CACNA1C: variants seen among roughly 807,000 people sequenced by gnomAD.
The protein encoded by CACNA1C is voltage-dependent L-type calcium channel subunit alpha-1C.
A neutral mutation model predicts 229.0 loss-of-function variants in CACNA1C; 30 were observed. That is an observed-to-expected ratio of 0.13 (90% CI 0.10 to 0.18). CACNA1C has a LOEUF of 0.18. Among genes scored for constraint, CACNA1C ranks in the 10% least tolerant of loss-of-function variants. CACNA1C has a pLI of 1.00. For missense variants in CACNA1C, 1,658 were observed against 2,845.0 expected (o/e 0.58, Z 9.49); for synonymous variants, 1,114 against 1,132.5 (o/e 0.98, Z 0.33).
At chr12:2,352,406 T>A (rs1008568821) in intron 3 of CACNA1C, among the ~76,000 whole-genome samples, 1 of 152,192 alleles carries the variant, frequency 6.6e-6, no homozygotes, top group African/African-American at 2.4e-5. Flanking sequence ...GCTGCCTGCA[T>A]TTGATGTGTG....
chr12:2,167,750 C>T (rs2096296607), intron 3 of CACNA1C, among the ~76,000 whole-genome samples: 1 of 152,112 alleles, frequency 6.6e-6, no homozygotes, highest in Non-Finnish European at 1.5e-5. Flanking sequence ...CAACCATTTG[C>T]TCCTTCCATT....
At position 2,479,027 on chromosome 12, in the gene CACNA1C, A is replaced by G. The variant is rs2099648568; in HGVS notation, c.758-7077A>G. 6.6e-6 allele frequency among the ~76,000 whole-genome samples: 1 copy of G among 152,104 alleles called. No individual in the cohort carries two copies. Among genetic ancestry groups the G allele is most frequent in the Non-Finnish European group, 1.5e-5 (1 of 68,026 alleles). The stretch of plus-strand genomic sequence containing the variant: ...TCTCAGATAGAGGATGTAGCTGAGG[A>G]TGGAAAACTTCATTCTAGATTCCCC... On this transcript the variant is annotated intron_variant, in intron 5 of 46. Transcript: ENST00000399655. This position sits in a 1 kb window ranked among gnomAD's most constrained non-coding sequence, Gnocchi z 4.3.
intron 10 of CACNA1C, among the ~76,000 whole-genome samples, chr12:2,553,703 G>T (rs1046173170): frequency 6.6e-6 from 1 of 152,190 alleles, no homozygotes; most frequent in African/African-American, 2.4e-5. Context: ...TGGAGTCTGT[G>T]TGGTATCGCG....
chr12:1,976,586 G>A (rs975563014), intron 1 of CACNA1C, among the ~76,000 whole-genome samples: 3 of 152,130 alleles, frequency 2.0e-5, no homozygotes, highest in Non-Finnish European at 2.9e-5. Context: ...GGCAGATCCC[G>A]AAGAGAAATG....
rs143802622 is a variant in CACNA1C at position 2,357,473 on chromosome 12, C to T, written c.478-91503C>T. On this transcript the variant is annotated intron_variant, in intron 3 of 46. Coordinates refer to ENST00000399655, the MANE Select transcript of CACNA1C (RefSeq NM_000719.7). Reference sequence around the variant, plus strand: ...AGGTTCTTCTTTTCTCCCTAAGTGACATCCCTCTTGAGCCCACAATTCCCT... The same window carrying T: ...AGGTTCTTCTTTTCTCCCTAAGTGATATCCCTCTTGAGCCCACAATTCCCT... Among the ~76,000 whole-genome samples the T allele has an allele frequency of 2.8e-3, 433 of 152,232 alleles. 2 individuals carry two copies. Among genetic ancestry groups the T allele is most frequent in the Non-Finnish European group, 5.0e-3 (337 of 68,012 alleles).
At chr12:2,598,646 C>T (rs1041312530) in intron 21 of CACNA1C, among the ~76,000 whole-genome samples, 2 of 152,224 alleles carry the variant, frequency 1.3e-5, no homozygotes, top group African/African-American at 4.8e-5. Flanking sequence ...CTGAAGTCCA[C>T]ACCTAACCGA....
rs944845371 is a variant in CACNA1C at position 2,608,345 on chromosome 12, C to T, written c.3357-166C>T. Among the ~76,000 whole-genome samples, 3 of 152,156 alleles carry T rather than the reference C, an allele frequency of 2.0e-5. No individual in the cohort carries two copies. The highest frequency in any genetic ancestry group is 6.5e-5 in the Admixed American group (1 of 15,280). ...GAATCTGAGTCTCAGAGAGGTTAAA[C>T]GCTTTGCCCAAGGTCACACAGCCAG... On this transcript the variant is annotated intron_variant, in intron 26 of 46. Transcript: ENST00000399655. The surrounding 1 kb of genome is among the most constrained non-coding windows in gnomAD (Gnocchi z 4.2).
In CACNA1C at chr12:2,654,029, T is replaced by C. The variant is rs1479824715; in HGVS notation, c.4140+129T>C. 1.2e-5 allele frequency: 9 copies of C among 742,352 alleles called. No individual in the cohort carries two copies. The Admixed American group carries it at 2.1e-4, about 18-fold the overall frequency. The allele number at this position is 742,352 out of a possible 1,614,324, so 46.0% of individuals were successfully genotyped here. A position where few individuals can be genotyped will look rare whatever the true frequency, so the allele number is the denominator to read the frequency against. ...TTCCTGACTGTCCCTCTCCCTCCTC[T>C]TCCATTTTCTGAGGCCCAAAAAGCC... On this transcript the variant is annotated intron_variant, in intron 33 of 46. Coordinates refer to ENST00000399655, the MANE Select transcript of CACNA1C (RefSeq NM_000719.7). The surrounding 1 kb of genome is among the most constrained non-coding windows in gnomAD (Gnocchi z 4.4).
chr12:2,272,763 G>C (rs1383064876), intron 3 of CACNA1C, among the ~76,000 whole-genome samples: 1 of 152,202 alleles, frequency 6.6e-6, no homozygotes, highest in East Asian at 1.9e-4. Flanking sequence ...CCTGGGACTT[G>C]ATCCTTCGCT....
At chr12:2,230,154 G>A (rs2064424927) in intron 3 of CACNA1C, among the ~76,000 whole-genome samples, 1 of 152,172 alleles carries the variant, frequency 6.6e-6, no homozygotes, top group South Asian at 2.1e-4. Flanking sequence ...CCCCTCCCGG[G>A]GCTGCGACCT....
At chr12:2,169,296 C>T (rs2096378282) in intron 3 of CACNA1C, among the ~76,000 whole-genome samples, 1 of 152,200 alleles carries the variant, frequency 6.6e-6, no homozygotes, top group Admixed American at 6.5e-5. Context: ...TCATTTTACT[C>T]AGAGCTGACT....
At chr12:2,540,656 C>G (rs1010966752) in intron 9 of CACNA1C, among the ~76,000 whole-genome samples, 13 of 152,136 alleles carry the variant, frequency 8.5e-5, no homozygotes, top group Admixed American at 7.9e-4. Flanking sequence ...AGTTCGCTGA[C>G]CCCTGGAATA....
chr12:2,009,564 T>G (rs1416706483), intron 1 of CACNA1C, among the ~76,000 whole-genome samples: 1 of 152,222 alleles, frequency 6.6e-6, no homozygotes, highest in African/African-American at 2.4e-5. Flanking sequence ...AGAGAGGAGC[T>G]TTCAGGATGC....
In CACNA1C at chr12:2,194,205, CT is replaced by C. The variant is rs1419152260; in HGVS notation, c.477+73776del. On this transcript the variant is annotated intron_variant, in intron 3 of 46. Transcript: ENST00000399655. ...CCTCTTCTTCCCCTCCTGCTCCCCC[CT>C]GTGTTCCTCCTCCTCCTTCTACTCC... Among the ~76,000 whole-genome samples, 6 of 73,244 alleles carry C rather than the reference CT, an allele frequency of 8.2e-5. No homozygotes were observed. The South Asian group carries it at 1.6e-3, about 20-fold the overall frequency. The allele number at this position is 73,244 out of a possible 152,430, so 48.1% of individuals were successfully genotyped here.
intron 3 of CACNA1C, among the ~76,000 whole-genome samples, chr12:2,335,113 C>CTTG (rs2096652268): frequency 6.6e-6 from 1 of 152,088 alleles, no homozygotes; most frequent in African/African-American, 2.4e-5. Flanking sequence ...GTATCTCAGC[C>CTTG]ACACATAGTG....
At chr12:2,581,209 G>T (rs945223475) in intron 13 of CACNA1C, among the ~76,000 whole-genome samples, 1 of 152,158 alleles carries the variant, frequency 6.6e-6, no homozygotes, top group African/African-American at 2.4e-5. Flanking sequence ...GGGAAAGGTG[G>T]ATCATGTCAC....
chr12:2,249,404 A>G (rs1402539030), intron 3 of CACNA1C, among the ~76,000 whole-genome samples: 1 of 152,232 alleles, frequency 6.6e-6, no homozygotes, highest in African/African-American at 2.4e-5. Context: ...AGAGATGAGT[A>G]ATTGTGACAG....
upstream of CACNA1C, among the ~76,000 whole-genome samples, chr12:2,048,788 G>T (rs1164209815): frequency 6.6e-6 from 1 of 152,190 alleles, no homozygotes; most frequent in Non-Finnish European, 1.5e-5. Context: ...AGAGGTGTGT[G>T]TGTGCTAAGG....
At chr12:2,252,583 C>T (rs2075980525) in intron 3 of CACNA1C, among the ~76,000 whole-genome samples, 1 of 152,158 alleles carries the variant, frequency 6.6e-6, no homozygotes, top group African/African-American at 2.4e-5. Context: ...GAAGCAGGGA[C>T]AAGAGTTATG....
Sources: allele counts gnomAD v4.1 joint callset (sites outside exome capture counted in the v4.1 genomes callset), GRCh38; gene constraint gnomAD v4.1.1; non-coding constraint Gnocchi (gnomAD v3.1); transcripts MANE v1.5; gene names NCBI Gene and HGNC (gene_info 2026-07-23, HGNC 2026-07-21).